Variants in SYTL5 observed in about 807,000 individuals in gnomAD.
The protein encoded by SYTL5 is synaptotagmin like 5.
A neutral mutation model predicts 55.9 loss-of-function variants in SYTL5; 34 were observed. That is an observed-to-expected ratio of 0.61 (90% CI 0.46 to 0.81). The LOEUF is 0.81. SYTL5 is among the 30% of genes least tolerant of loss of function. The pLI, the probability that SYTL5 is intolerant of heterozygous loss-of-function variation, is 0.00. For missense variants in SYTL5, 637 were observed against 546.7 expected, an observed-to-expected ratio of 1.17 and a Z score of -1.65; for synonymous variants, 221 against 188.7, an observed-to-expected ratio of 1.17 and a Z score of -1.40.
intron 13 of SYTL5, among the ~76,000 whole-genome samples, chrX:38,112,469 C>G (rs1304124145): frequency 8.9e-6 from 1 of 112,114 alleles, no homozygotes; most frequent in African/African-American, 3.2e-5. Context: ...TTACTGGTCT[C>G]TCTGAGAGAA....
chrX:38,117,844 T>C, intron 13 of SYTL5, among the ~76,000 whole-genome samples: 1 of 111,595 alleles, frequency 9.0e-6, no homozygotes, highest in African/African-American at 3.3e-5. Context: ...TTCGGAAATA[T>C]CCATTCCAAG....
chrX:38,099,492 A>G (rs1348358059), intron 9 of SYTL5, among the ~76,000 whole-genome samples: 2 of 111,331 alleles, frequency 1.8e-5, no homozygotes, highest in Non-Finnish European at 3.8e-5. Context: ...TGAAGTTTTT[A>G]GAGTGTTCTA....
rs1230544576 is a variant in SYTL5, at chrX:38,062,154, G to A, written c.329+7732G>A. On this transcript the variant is annotated intron_variant, in intron 3 of 16. Transcript: ENST00000297875. The stretch of plus-strand genomic sequence containing the variant: ...GGCTAATTTTGTTGTATTTTTAGTA[G>A]AGATGGGGTTTCACTGAGTTGGCCA... Among the ~76,000 whole-genome samples the A allele has an allele frequency of 2.7e-5, 3 of 110,390 alleles. No individual in the cohort carries two copies. The East Asian group carries it at 8.5e-4, about 31-fold the overall frequency.
At chrX:37,995,061 G>A in the SYTL5 span, among the ~76,000 whole-genome samples, 1 of 110,522 alleles carries the variant, frequency 9.0e-6, no homozygotes, top group South Asian at 4.0e-4. Flanking sequence ...GTTTCCAATG[G>A]TGACAGTGAG....
chrX:38,023,909 G>A (rs1172045641), intron 1 of SYTL5: 2 of 95,627 alleles, frequency 2.1e-5, no homozygotes, highest in African/African-American at 3.5e-5. Flanking sequence ...TATTAGGTTG[G>A]TGTAAAAGTA....
the SYTL5 span, among the ~76,000 whole-genome samples, chrX:37,962,639 G>C: frequency 0.015 from 1,654 of 111,787 alleles, 15 homozygotes; most frequent in Middle Eastern, 0.032. Flanking sequence ...GATCCTTGAG[G>C]AATCACCACA....
chrX:37,899,730 T>C, the SYTL5 span, among the ~76,000 whole-genome samples: 278 of 111,914 alleles, frequency 2.5e-3, 1 homozygote, highest in African/African-American at 8.3e-3. Context: ...TGCAGCTTCA[T>C]TGTAATTTTA....
rs182867738 is a variant in SYTL5, at chrX:38,012,983, T to C, written c.-357+6315T>C. Reference sequence around the variant, plus strand: ...TTTGTGATGAAGAATCACTTCCCACTAATTGAGAGACCAGCACAGGGAGAA... The same window carrying C: ...TTTGTGATGAAGAATCACTTCCCACCAATTGAGAGACCAGCACAGGGAGAA... On this transcript the variant is annotated intron_variant, in intron 1 of 16. Transcript: ENST00000297875. Among the ~76,000 whole-genome samples, 11 of 112,416 alleles carry C rather than the reference T, an allele frequency of 9.8e-5. No individual in the cohort carries two copies. The East Asian group carries it at 2.5e-3, about 26-fold the overall frequency.
chrX:38,043,645 T>G (rs1935351848), intron 2 of SYTL5, among the ~76,000 whole-genome samples: 1 of 76,355 alleles, frequency 1.3e-5, no homozygotes, highest in African/African-American at 5.4e-5. Context: ...CCTGTAACTT[T>G]TATGTATGTA....
intron 13 of SYTL5, among the ~76,000 whole-genome samples, chrX:38,118,977 G>A (rs1200448050): frequency 9.6e-5 from 9 of 94,055 alleles, no homozygotes; most frequent in African/African-American, 2.5e-4. Context: ...ATATATGTAC[G>A]CATATACATA....
intron 12 of SYTL5, 41 bp from the exon 13 acceptor site, chrX:38,110,280 G>C: frequency 9.1e-7 from 1 of 1,094,136 alleles, no homozygotes. Flanking sequence ...ATTGGATAGA[G>C]CCCTCCTTGT....
chrX:37,952,235 T>C, the SYTL5 span, among the ~76,000 whole-genome samples: 12 of 111,703 alleles, frequency 1.1e-4, no homozygotes, highest in Admixed American at 2.9e-4. Flanking sequence ...TAATTTATTC[T>C]TCTTCACGCT....
chrX:38,001,048 G>A, the SYTL5 span, among the ~76,000 whole-genome samples: 1 of 110,700 alleles, frequency 9.0e-6, no homozygotes, highest in Non-Finnish European at 1.9e-5. Flanking sequence ...GTGGTCTTGG[G>A]AAATGCAACA....
the SYTL5 span, among the ~76,000 whole-genome samples, chrX:37,996,715 T>A: frequency 8.9e-6 from 1 of 112,259 alleles, no homozygotes; most frequent in African/African-American, 3.2e-5. Context: ...ACCTAGAGCA[T>A]CTTTTGGGAA....
intron 2 of SYTL5, among the ~76,000 whole-genome samples, chrX:38,048,159 C>T (rs1036119524): frequency 1.8e-5 from 2 of 109,467 alleles, no homozygotes; most frequent in Non-Finnish European, 3.8e-5. Context: ...GCACTCCAGC[C>T]TGGGCGACAG....
At chrX:38,074,207 G>A (rs1302790372) in intron 5 of SYTL5, among the ~76,000 whole-genome samples, 1 of 112,011 alleles carries the variant, frequency 8.9e-6, no homozygotes, top group East Asian at 2.8e-4. Flanking sequence ...TACAGAATAT[G>A]GATGCCAAGT....
chrX:37,918,946 AGTGTGTGTGT>A, the SYTL5 span, among the ~76,000 whole-genome samples: 1 of 105,067 alleles, frequency 9.5e-6, no homozygotes, highest in African/African-American at 3.5e-5. Context: ...AGTGTGAGTG[AGTGTGTGTGT>A]GTGTGTGTGT....
chrX:37,961,090 A>G, the SYTL5 span, among the ~76,000 whole-genome samples: 1 of 110,826 alleles, frequency 9.0e-6, no homozygotes, highest in Non-Finnish European at 1.9e-5. Context: ...GGCCTCCTCC[A>G]GATTCTTACA....
At chrX:37,970,899 C>A in the SYTL5 span, among the ~76,000 whole-genome samples, 1 of 112,071 alleles carries the variant, frequency 8.9e-6, no homozygotes, top group Non-Finnish European at 1.9e-5. Flanking sequence ...TTATAGTATT[C>A]TGCAGGAATA....
Sources: gnomAD v4.1 joint callset for allele counts (sites outside exome capture counted in the v4.1 genomes callset) on GRCh38, gnomAD v4.1.1 for gene constraint, MANE v1.5 for transcripts, NCBI Gene and HGNC (gene_info 2026-07-23, HGNC 2026-07-21) for gene names.